Variants in RCOR3 observed in about 807,000 individuals in gnomAD.
RCOR3 encodes the protein REST corepressor 3.
Under a neutral mutation model 64.1 loss-of-function variants are expected in RCOR3, and 13 were observed. The observed-to-expected ratio is 0.20, with a 90% CI of 0.13 to 0.32. The LOEUF is 0.32. RCOR3 is among the 10% of genes least tolerant of loss of function. The pLI, the probability that RCOR3 is intolerant of heterozygous loss-of-function variation, is 1.00. For missense variants in RCOR3, 489 were observed against 701.2 expected, an observed-to-expected ratio of 0.70 and a Z score of 3.42; for synonymous variants, 215 against 239.0, an observed-to-expected ratio of 0.90 and a Z score of 0.93.
chr1:211,261,931 A>AAAAAAAC (rs1360878800), intron 2 of RCOR3, among the ~76,000 whole-genome samples: 3,015 of 146,300 alleles, frequency 0.021, 422 homozygotes, highest in South Asian at 0.04. Context: ...CTCAAAAAAA[A>AAAAAAAC]AAAAAAAAAA....
rs1356155445 is a variant in RCOR3, at chr1:211,313,095, T to A, written c.1317+134T>A. The A allele has an allele frequency of 6.5e-7, 1 of 1,538,858 alleles. No homozygotes were observed. The highest frequency in any genetic ancestry group is 8.7e-7 in the Non-Finnish European group (1 of 1,148,318). On this transcript the variant is annotated intron_variant, in intron 11 of 11. Coordinates refer to ENST00000419091, the MANE Select transcript of RCOR3 (RefSeq NM_001136223.3). The surrounding 1 kb of genome is among the most constrained non-coding windows in gnomAD (Gnocchi z 4.7). ...GGTTGACAATACACTTCTTCAGTGG[T>A]GCATCTCTCGTGACTCTTAAGTCAT...
chr1:211,308,673 G>GTTTTTTTTTTTTTTTTT (rs545513442), intron 10 of RCOR3, among the ~76,000 whole-genome samples: 2 of 40,486 alleles, frequency 4.9e-5, no homozygotes, highest in African/African-American at 1.4e-4. Flanking sequence ...TTTTTTTTTT[G>GTTTTTTTTTTTTTTTTT]TTTTTTTTTT....
At chr1:211,294,476 T>C (rs1403344193) in intron 8 of RCOR3, among the ~76,000 whole-genome samples, 1 of 152,204 alleles carries the variant, frequency 6.6e-6, no homozygotes, top group Admixed American at 6.5e-5. Context: ...TCCTGTCTTA[T>C]GTGTCATTGA....
intron 2 of RCOR3, among the ~76,000 whole-genome samples, chr1:211,260,758 G>A (rs888270912): frequency 3.3e-5 from 5 of 151,892 alleles, no homozygotes; most frequent in African/African-American, 1.2e-4. Flanking sequence ...GGGGAAGGGG[G>A]TGGGGAGACG....
At position 211,313,350 on chromosome 1, in the gene RCOR3, C is replaced by T. The variant is rs957020239; in HGVS notation, c.1318-74C>T. 3.3e-6 allele frequency: 5 copies of T among 1,512,598 alleles called. No homozygotes were observed. In the African/African-American group the frequency reaches 7.0e-5, roughly 21 times the overall value. 93.7% of individuals were successfully genotyped at this position (1,512,598 alleles called of 1,614,324 possible). On this transcript the variant is annotated intron_variant, in intron 11 of 11. Transcript: ENST00000419091. This position sits in a 1 kb window ranked among gnomAD's most constrained non-coding sequence, Gnocchi z 4.7. ...TTGATTTGTTTTGTTTTTCCTGTGA[C>T]AGCCCAAACTATATTGTATTAAGTT...
chr1:211,259,859 C>A, intron 1 of RCOR3, 133 bp downstream of exon 1: 3 of 1,117,308 alleles, frequency 2.7e-6, no homozygotes, highest in Non-Finnish European at 3.6e-6. Context: ...CTCGAACTCC[C>A]GGTGCAGTGC....
Position 211,279,225 on chromosome 1 carries a change from TG to T in RCOR3, c.642-12del, listed in dbSNP as rs747100203. ...AAAGGGAATTAAGTGTACTAATTTT[TG>T]TTTCTTCTCAGTGATGATGATGTAG... On this transcript the variant is annotated splice_polypyrimidine_tract_variant and intron_variant, in intron 6 of 11. Transcript: ENST00000419091. 4 of 1,561,222 alleles carry T rather than the reference TG, an allele frequency of 2.6e-6. No individual in the cohort carries two copies. In the South Asian group the frequency reaches 4.7e-5, roughly 19 times the overall value.
intron 1 of RCOR3, 111 bp downstream of exon 1, chr1:211,259,837 C>T (rs940174771): frequency 1.0e-5 from 10 of 998,190 alleles, no homozygotes; most frequent in Non-Finnish European, 1.4e-5. Context: ...AGAGCCTGGG[C>T]GCTGCGGTAG....
intron 9 of RCOR3, among the ~76,000 whole-genome samples, chr1:211,296,200 T>A (rs1053347392): frequency 6.6e-6 from 1 of 152,090 alleles, no homozygotes; most frequent in Non-Finnish European, 1.5e-5. Context: ...TGGCTCAGCT[T>A]CCACTTATGA....
chr1:211,259,659 C>T lies in RCOR3; in HGVS notation c.99C>T (p.Ala33=). The change falls in exon 1 of 12, where the codon GCC becomes GCT. Residue 33 remains alanine (A), a synonymous_variant. Transcript: ENST00000419091. ...CGGCAGGCGGCGGCGGCAGCGGCGC[C>T]TCGTCCACCAACGGCGGGCTGCACT... is the stretch of plus-strand genomic sequence containing the variant. ...KSPAGGGGSG[A]SSTNGGLHYS... The T allele has an allele frequency of 1.9e-6, 3 of 1,547,164 alleles. No individual in the cohort carries two copies. The highest frequency in any genetic ancestry group is 2.6e-6 in the Non-Finnish European group (3 of 1,145,374).
chr1:211,267,801 C>G (rs751724671), intron 2 of RCOR3: 3 of 346,516 alleles, frequency 8.7e-6, no homozygotes, highest in South Asian at 6.4e-5. Flanking sequence ...CTATGTTTCC[C>G]AGGCTGGTCT....
chr1:211,303,021 C>T (rs927549958), intron 9 of RCOR3: 1 of 151,954 alleles, frequency 6.6e-6, no homozygotes, highest in East Asian at 1.9e-4. Flanking sequence ...TCCCCTTTCT[C>T]TTTTCCTTTT....
Position 211,308,672 on chromosome 1 carries a change from T to TG in RCOR3, c.1076-4047dup, listed in dbSNP as rs1216482443. Among the ~76,000 whole-genome samples, 12 of 50,418 alleles carry TG rather than the reference T, an allele frequency of 2.4e-4. 1 individual carries two copies. The highest frequency in any genetic ancestry group is 5.5e-4 in the Admixed American group (2 of 3,654). 33.1% of individuals were successfully genotyped at this position (50,418 alleles called of 152,430 possible). ...CGTCTTTTGGATGTGTTTTTTTTTT[T>TG]GTTTTTTTTTTGTTTTTTTTTTTTT... On this transcript the variant is annotated intron_variant, in intron 10 of 11. Transcript: ENST00000419091.
chr1:211,270,313 T>A (rs1695954866), intron 2 of RCOR3, among the ~76,000 whole-genome samples: 1 of 152,168 alleles, frequency 6.6e-6, no homozygotes, highest in Admixed American at 6.5e-5. Flanking sequence ...TCCGCCTGCC[T>A]TAGCCTCCCA....
Position 211,315,024 on chromosome 1 carries a change from T to G in RCOR3, c.*1256T>G, listed in dbSNP as rs1215051689. 2 of 152,236 alleles carry G rather than the reference T, an allele frequency of 1.3e-5. No homozygotes were observed. The highest frequency in any genetic ancestry group is 2.9e-5 in the Non-Finnish European group (2 of 68,030). 9.4% of individuals were successfully genotyped at this position (152,236 alleles called of 1,614,324 possible). On this transcript the variant is annotated 3_prime_UTR_variant, in exon 12 of 12. Coordinates refer to ENST00000419091, the MANE Select transcript of RCOR3 (RefSeq NM_001136223.3). ...TAGAAAAACAAAAAGACATCAAGTC[T>G]TCTTAATTCAACCCATAATCATTAA...
intron 8 of RCOR3, among the ~76,000 whole-genome samples, chr1:211,294,586 C>CTTTTTTTTTTTT (rs35962546): frequency 1.2e-4 from 11 of 88,018 alleles, no homozygotes; most frequent in South Asian, 4.7e-4. Context: ...TTCTTTCTTT[C>CTTTTTTTTTTTT]TTTTTTTTTT....
rs1693796026 is a variant in RCOR3, at chr1:211,259,546, C to T, written c.-15C>T. On this transcript the variant is annotated 5_prime_UTR_variant, in exon 1 of 12. Transcript: ENST00000419091. ...CTGCCTCTTCCCCTCACCTTTCCCC[C>T]TCCCCTGTTCTACCATGCCCGGCAT... 4 of 1,546,096 alleles carry T rather than the reference C, an allele frequency of 2.6e-6. No homozygotes were observed. Among genetic ancestry groups the T allele is most frequent in the Admixed American group, 2.0e-5 (1 of 50,800 alleles).
chr1:211,272,539 T>A (rs971701307), intron 3 of RCOR3, among the ~76,000 whole-genome samples: 1 of 150,734 alleles, frequency 6.6e-6, no homozygotes, highest in African/African-American at 2.5e-5. Context: ...TTTTTTTTTT[T>A]AAGTACTTAT....
At position 211,279,326 on chromosome 1, in the gene RCOR3, A is replaced by T; in HGVS notation, c.720+10A>T. Reference sequence around the variant, plus strand: ...AGAAGCCAAAAAAGAGGTAATGATGATCACTAGAAGTACTTGTGATTGTTC... The same window carrying T: ...AGAAGCCAAAAAAGAGGTAATGATGTTCACTAGAAGTACTTGTGATTGTTC... On this transcript the variant is annotated intron_variant, in intron 7 of 11. Coordinates refer to ENST00000419091, the MANE Select transcript of RCOR3 (RefSeq NM_001136223.3). 2 of 1,581,136 alleles carry T rather than the reference A, an allele frequency of 1.3e-6. No individual in the cohort carries two copies. Among genetic ancestry groups the T allele is most frequent in the Non-Finnish European group, 1.7e-6 (2 of 1,150,644 alleles).
Sources: allele counts gnomAD v4.1 joint callset (sites outside exome capture counted in the v4.1 genomes callset), GRCh38; gene constraint gnomAD v4.1.1; non-coding constraint Gnocchi (gnomAD v3.1); transcripts MANE v1.5; gene names NCBI Gene and HGNC (gene_info 2026-07-23, HGNC 2026-07-21).